CTNNA3: variants seen among roughly 807,000 people sequenced by gnomAD.
The protein encoded by CTNNA3 is catenin alpha-3.
In CTNNA3, 76 loss-of-function variants were observed where a neutral mutation model predicts 95.7. The observed-to-expected ratio is 0.79, with a 90% CI of 0.66 to 0.96. The LOEUF (loss-of-function observed/expected upper bound fraction) is 0.96. Ranked by LOEUF, CTNNA3 falls within the 40% of genes least tolerant of loss-of-function variation. The probability of loss-of-function intolerance (pLI) is 0.00; values close to 1 mark genes in which losing one functional copy is unlikely to be tolerated. For missense variants in CTNNA3, 1,191 were observed against 1,089.8 expected (o/e 1.09, Z -1.31); for synonymous variants, 431 against 374.4 (o/e 1.15, Z -1.74).
At chr10:67,297,981 C>T (rs1161253713) in intron 5 of CTNNA3, among the ~76,000 whole-genome samples, 1 of 152,198 alleles carries the variant, frequency 6.6e-6, no homozygotes, top group Non-Finnish European at 1.5e-5. Flanking sequence ...ATTTCTAGTA[C>T]ATTGAGCCTG....
intron 7 of CTNNA3, among the ~76,000 whole-genome samples, chr10:66,902,683 A>C (rs777377167): frequency 8.5e-5 from 13 of 152,204 alleles, no homozygotes; most frequent in Non-Finnish European, 1.5e-4. Context: ...GATGCAATAC[A>C]AAACGATAAA....
At chr10:66,332,793 G>A (rs1177877926) in intron 12 of CTNNA3, among the ~76,000 whole-genome samples, 2 of 152,078 alleles carry the variant, frequency 1.3e-5, no homozygotes, top group African/African-American at 4.8e-5. Context: ...AATAGTTTCA[G>A]AAGGAATGGT....
rs1047175789 is a variant in CTNNA3, at chr10:67,329,870, G to T, written c.580-110000C>A. On this transcript the variant is annotated intron_variant, in intron 5 of 17. Transcript: ENST00000433211. Reference sequence around the variant, plus strand: ...TAAAGTGCTCCTGAGCTGATGTAGTGGTTCTGCTTTATAAAATACCTAGGA... The same window carrying T: ...TAAAGTGCTCCTGAGCTGATGTAGTTGTTCTGCTTTATAAAATACCTAGGA... Among the ~76,000 whole-genome samples, 5 of 152,158 alleles carry T rather than the reference G, an allele frequency of 3.3e-5. 1 individual carries two copies. Among genetic ancestry groups the T allele is most frequent in the South Asian group, 2.1e-4 (1 of 4,826 alleles).
chr10:65,989,965 A>G (rs1161987520), intron 15 of CTNNA3, among the ~76,000 whole-genome samples: 1 of 152,038 alleles, frequency 6.6e-6, no homozygotes, highest in African/African-American at 2.4e-5. Flanking sequence ...GGAGAAAGTG[A>G]TATTTGTCTA....
At chr10:67,407,584 AG>A (rs1313558483) in intron 5 of CTNNA3, among the ~76,000 whole-genome samples, 1 of 152,174 alleles carries the variant, frequency 6.6e-6, no homozygotes, top group Non-Finnish European at 1.5e-5. Context: ...GGCAAGAAAA[AG>A]AAATAATGTG....
chr10:66,483,497 T>G (rs1161575170), intron 11 of CTNNA3, among the ~76,000 whole-genome samples: 1 of 152,192 alleles, frequency 6.6e-6, no homozygotes, highest in East Asian at 1.9e-4. Context: ...TAAGTTTTAC[T>G]TATTAAAAAA....
At position 65,914,417 on chromosome 10, in the gene CTNNA3, G is replaced by A. The variant is rs1357785148; in HGVS notation, c.*5913C>T. The stretch of plus-strand genomic sequence containing the variant: ...GATTTGAAAGCCTATCCAGCAACAT[G>A]GGCAAGAAGAGTCTAGCCTTCAGTC... On this transcript the variant is annotated 3_prime_UTR_variant, in exon 18 of 18. Coordinates refer to ENST00000433211, the MANE Select transcript of CTNNA3 (RefSeq NM_013266.4). 1.3e-5 allele frequency: 2 copies of A among 152,030 alleles called. No individual in the cohort carries two copies. Among genetic ancestry groups the A allele is most frequent in the African/African-American group, 4.8e-5 (2 of 41,400 alleles). 9.4% of individuals were successfully genotyped at this position (152,030 alleles called of 1,614,324 possible). A position where few individuals can be genotyped will look rare whatever the true frequency, so the allele number is the denominator to read the frequency against.
intron 9 of CTNNA3, among the ~76,000 whole-genome samples, chr10:66,746,748 C>T (rs923183398): frequency 1.3e-5 from 2 of 152,134 alleles, no homozygotes; most frequent in Admixed American, 6.5e-5. Context: ...CTTGACTCCC[C>T]ATAAGTATCA....
Position 67,325,435 on chromosome 10 carries a change from T to C in CTNNA3, c.580-105565A>G, listed in dbSNP as rs187508567. ...CTCAAAGATTCTGGTATGTTGTATCTTTGTTCTCACTGGTTTCAAAGAACT... is the reference window on the plus strand; with the variant it reads ...CTCAAAGATTCTGGTATGTTGTATCCTTGTTCTCACTGGTTTCAAAGAACT... On this transcript the variant is annotated intron_variant, in intron 5 of 17. Coordinates refer to ENST00000433211, the MANE Select transcript of CTNNA3 (RefSeq NM_013266.4). 2.5e-3 allele frequency among the ~76,000 whole-genome samples: 375 copies of C among 152,342 alleles called. 2 individuals carry two copies. The highest frequency in any genetic ancestry group is 4.0e-3 in the Non-Finnish European group (273 of 68,026).
At chr10:66,735,631 T>C (rs1849109636) in intron 9 of CTNNA3, among the ~76,000 whole-genome samples, 1 of 152,126 alleles carries the variant, frequency 6.6e-6, no homozygotes, top group Admixed American at 6.6e-5. Flanking sequence ...ATAACCAGAG[T>C]TGATTAAGTT....
intron 2 of CTNNA3, among the ~76,000 whole-genome samples, chr10:67,646,707 T>C (rs536551322): frequency 6.6e-6 from 1 of 152,212 alleles, no homozygotes; most frequent in South Asian, 2.1e-4. Flanking sequence ...ACTTGAATCT[T>C]GTATTAGGAG....
chr10:67,521,810 T>C, intron 5 of CTNNA3, 32 bp downstream of exon 5: 1 of 1,603,658 alleles, frequency 6.2e-7, no homozygotes, highest in South Asian at 1.1e-5. Flanking sequence ...AAAGTGTTCA[T>C]CTCCTCCACC....
chr10:67,017,862 A>T lies in CTNNA3; in HGVS notation c.1047+162455T>A, dbSNP rs768719532. 1.7e-4 allele frequency among the ~76,000 whole-genome samples: 26 copies of T among 151,932 alleles called. 1 individual carries two copies. The highest frequency in any genetic ancestry group is 3.1e-4 in the Non-Finnish European group (21 of 67,952). ...TCGGCTCACTGCAACCTCCGCCTCC[A>T]GGGTTCAAGCGATTCTCCTGCCTCA... On this transcript the variant is annotated intron_variant, in intron 7 of 17. Transcript: ENST00000433211.
intron 1 of CTNNA3, among the ~76,000 whole-genome samples, chr10:67,655,301 T>G (rs1167751076): frequency 6.6e-6 from 1 of 152,232 alleles, no homozygotes; most frequent in Non-Finnish European, 1.5e-5. Context: ...TTAGTGAAAC[T>G]CTATTTAGTT....
chr10:65,960,030 G>T (rs1157086081), intron 17 of CTNNA3, among the ~76,000 whole-genome samples: 4 of 152,176 alleles, frequency 2.6e-5, no homozygotes, highest in Non-Finnish European at 1.5e-5. Context: ...TGAGAAAAGT[G>T]ATTGAGATGT....
At chr10:67,058,943 CA>C (rs1191858196) in intron 7 of CTNNA3, among the ~76,000 whole-genome samples, 4 of 151,852 alleles carry the variant, frequency 2.6e-5, no homozygotes, top group African/African-American at 4.8e-5. Context: ...CATAAATCAC[CA>C]AAAAAAGGCA....
At chr10:65,994,022 C>T (rs564549632) in intron 15 of CTNNA3, among the ~76,000 whole-genome samples, 1 of 152,302 alleles carries the variant, frequency 6.6e-6, no homozygotes, top group East Asian at 1.9e-4. Context: ...GTCTGAGTCA[C>T]CAAGCTATAT....
At chr10:65,942,973 C>T (rs1367072939) in intron 17 of CTNNA3, among the ~76,000 whole-genome samples, 1 of 151,958 alleles carries the variant, frequency 6.6e-6, no homozygotes, top group Non-Finnish European at 1.5e-5. Context: ...ATATAAAGAA[C>T]TTAAAACATT....
At chr10:66,919,609 G>A (rs939009292) in intron 7 of CTNNA3, among the ~76,000 whole-genome samples, 8 of 152,120 alleles carry the variant, frequency 5.3e-5, no homozygotes, top group African/African-American at 1.9e-4. Context: ...GACACTGAGA[G>A]ACCATTTTAA....
Sources: allele counts gnomAD v4.1 joint callset (sites outside exome capture counted in the v4.1 genomes callset), GRCh38; gene constraint gnomAD v4.1.1; transcripts MANE v1.5; gene names NCBI Gene and HGNC (gene_info 2026-07-23, HGNC 2026-07-21).